Variants in ITGA9 observed in about 807,000 individuals in gnomAD.
ITGA9 encodes the protein integrin alpha-9.
ITGA9 carries 56 observed loss-of-function variants against 127.8 expected under a neutral mutation model. The ratio of observed to expected loss-of-function variants is 0.44; its 90% CI spans 0.35 to 0.55. ITGA9 has a LOEUF of 0.55. Among genes scored for constraint, ITGA9 ranks in the 20% least tolerant of loss-of-function variants. The pLI is 0.00. For synonymous variants in ITGA9, 508 were observed against 514.5 expected, an observed-to-expected ratio of 0.99 and a Z score of 0.17; for missense variants, 1,196 against 1,347.1, an observed-to-expected ratio of 0.89 and a Z score of 1.76.
At position 37,512,112 on chromosome 3, in the gene ITGA9, C is replaced by T. The variant is rs1404564055; in HGVS notation, c.898-1651C>T. Among the ~76,000 whole-genome samples, 89 of 84,516 alleles carry T rather than the reference C, an allele frequency of 1.1e-3. 7 individuals are homozygous for T. Among genetic ancestry groups the T allele is most frequent in the African/African-American group, 4.0e-3 (76 of 19,128 alleles). The allele number at this position is 84,516 out of a possible 152,430, so 55.4% of individuals were successfully genotyped here. A position where few individuals can be genotyped will look rare whatever the true frequency, so the allele number is the denominator to read the frequency against. ...TCCTTCCTTCCTTCCTTCCTTCCTT[C>T]CTTCCTTCTTTCTTTTCTTTTCTTT... is the stretch of plus-strand genomic sequence containing the variant. On this transcript the variant is annotated intron_variant, in intron 8 of 27. Transcript: ENST00000264741.
At chr3:37,507,952 G>A (rs1422109328) in intron 7 of ITGA9, among the ~76,000 whole-genome samples, 1 of 152,224 alleles carries the variant, frequency 6.6e-6, no homozygotes, top group Non-Finnish European at 1.5e-5. Flanking sequence ...TTGCAGTGGC[G>A]ATGCATAGTT....
chr3:37,787,802 T>C (rs1697059359), intron 26 of ITGA9, among the ~76,000 whole-genome samples: 1 of 152,324 alleles, frequency 6.6e-6, no homozygotes, highest in Non-Finnish European at 1.5e-5. Context: ...GATTTTAGAT[T>C]AGGCACCAAA....
At chr3:37,631,568 T>A (rs1158650872) in intron 16 of ITGA9, among the ~76,000 whole-genome samples, 1 of 152,182 alleles carries the variant, frequency 6.6e-6, no homozygotes, top group Non-Finnish European at 1.5e-5. Context: ...AGAAAGGGCA[T>A]CAGCTAATAA....
chr3:37,675,790 C>G (rs1700675932), intron 17 of ITGA9, among the ~76,000 whole-genome samples: 1 of 139,388 alleles, frequency 7.2e-6, no homozygotes, highest in African/African-American at 2.8e-5. Flanking sequence ...TTTTGCCAGA[C>G]TGGAGTGCAG....
chr3:37,644,340 G>T lies in ITGA9; in HGVS notation c.1840-9374G>T, dbSNP rs115785550. 1.9e-3 allele frequency among the ~76,000 whole-genome samples: 293 copies of T among 152,232 alleles called. 3 individuals are homozygous for T. The highest frequency in any genetic ancestry group is 6.8e-3 in the African/African-American group (284 of 41,534). The stretch of plus-strand genomic sequence containing the variant: ...TCTTAAGTGAAACAACTCAGACACA[G>T]AAAGACAAATACCACATGTTCTCGT... On this transcript the variant is annotated intron_variant, in intron 16 of 27. Transcript: ENST00000264741.
rs1251113206 is a variant in ITGA9 at position 37,746,152 on chromosome 3, G to GT, written c.2433+2118_2433+2119insT. Among the ~76,000 whole-genome samples, 63 of 152,328 alleles carry GT rather than the reference G, an allele frequency of 4.1e-4. 2 individuals carry two copies. The highest frequency in any genetic ancestry group is 3.7e-3 in the Admixed American group (57 of 15,302). ...GAAGGTGAAAATACTGTGGAAGGAG[G>GT]CCAGGAATACGGAGAAAATGTTTCT... On this transcript the variant is annotated intron_variant, in intron 22 of 27. Coordinates refer to ENST00000264741, the MANE Select transcript of ITGA9 (RefSeq NM_002207.3).
At chr3:37,553,061 A>G (rs1575147377) in intron 15 of ITGA9, among the ~76,000 whole-genome samples, 2 of 152,262 alleles carry the variant, frequency 1.3e-5, no homozygotes, top group African/African-American at 4.8e-5. Context: ...CAGTCTTACA[A>G]AAAAGTCATT....
intron 15 of ITGA9, among the ~76,000 whole-genome samples, chr3:37,564,824 C>T (rs928800939): frequency 6.6e-6 from 1 of 152,210 alleles, no homozygotes; most frequent in Non-Finnish European, 1.5e-5. Context: ...ACAGCCACAA[C>T]CATCCCTACC....
intron 9 of ITGA9, among the ~76,000 whole-genome samples, chr3:37,516,957 A>G (rs1317277264): frequency 6.6e-6 from 1 of 152,118 alleles, no homozygotes; most frequent in Non-Finnish European, 1.5e-5. Flanking sequence ...TAATAGGCAC[A>G]GTGACGTCTG....
intron 17 of ITGA9, among the ~76,000 whole-genome samples, chr3:37,656,415 G>C (rs369296161): frequency 6.6e-6 from 1 of 152,154 alleles, no homozygotes; most frequent in South Asian, 2.1e-4. Context: ...CACATCTCTT[G>C]TAAGTTGGAT....
rs1176984258 is a variant in ITGA9 at position 37,820,752 on chromosome 3, T to C, written c.*1763T>C. 1 of 152,202 alleles carries C rather than the reference T, an allele frequency of 6.6e-6. No individual in the cohort carries two copies. The highest frequency in any genetic ancestry group is 2.4e-5 in the African/African-American group (1 of 41,444). 9.4% of individuals were successfully genotyped at this position (152,202 alleles called of 1,614,324 possible). On this transcript the variant is annotated 3_prime_UTR_variant, in exon 28 of 28. Transcript: ENST00000264741. The stretch of plus-strand genomic sequence containing the variant: ...GCTAAGAGCAGGGTCTAACGGAGTC[T>C]TAATGGCTTATTACAGCCTGCCAAA...
At position 37,818,959 on chromosome 3, in the gene ITGA9, C is replaced by G; in HGVS notation, c.3078C>G (p.Asp1026Glu). The stretch of plus-strand genomic sequence containing the variant: ...AGAAGAACCGGAAAGAGAATGAAGA[C>G]AGTTGGGACTGGGTCCAGAAAAACC... ...EAEKNRKENE[D>E]SWDWVQKNQ The change falls in exon 28 of 28, where the codon GAC (aspartate) becomes GAG (glutamate). Residue 1026 changes from aspartate to glutamate, a missense_variant. Asp to Glu is a conservative substitution (Grantham distance 45, BLOSUM62 2). Coordinates refer to ENST00000264741, the MANE Select transcript of ITGA9 (RefSeq NM_002207.3). 6.2e-7 allele frequency: 1 copy of G among 1,614,038 alleles called. No homozygotes were observed. The highest frequency in any genetic ancestry group is 8.5e-7 in the Non-Finnish European group (1 of 1,179,866).
At chr3:37,466,674 G>T (rs1236472846) in intron 1 of ITGA9, among the ~76,000 whole-genome samples, 1 of 152,076 alleles carries the variant, frequency 6.6e-6, no homozygotes, top group Non-Finnish European at 1.5e-5. Flanking sequence ...CACCTGGAGA[G>T]CTTGTTAAAA....
intron 15 of ITGA9, among the ~76,000 whole-genome samples, chr3:37,561,276 C>T (rs1456208148): frequency 6.6e-6 from 1 of 152,146 alleles, no homozygotes; most frequent in African/African-American, 2.4e-5. Context: ...TGTACTAGGG[C>T]TTTGAAGTCT....
chr3:37,659,890 A>G (rs1700516240), intron 17 of ITGA9, among the ~76,000 whole-genome samples: 1 of 152,042 alleles, frequency 6.6e-6, no homozygotes, highest in Non-Finnish European at 1.5e-5. Flanking sequence ...AGTACATTTT[A>G]ACTTATGATG....
At chr3:37,778,872 G>GTTT (rs10583231) in intron 24 of ITGA9, among the ~76,000 whole-genome samples, 88 of 106,126 alleles carry the variant, frequency 8.3e-4, no homozygotes, top group Non-Finnish European at 1.2e-3. Context: ...GAAAGGTTGG[G>GTTT]TTTTTTTTTT....
At chr3:37,771,832 TG>T (rs972926327) in intron 23 of ITGA9, among the ~76,000 whole-genome samples, 12 of 151,928 alleles carry the variant, frequency 7.9e-5, no homozygotes, top group African/African-American at 2.9e-4. Context: ...GTGGTGGAAA[TG>T]GGTCAGGCTG....
Position 37,758,215 on chromosome 3 carries a change from C to T in ITGA9, c.2541+7646C>T, listed in dbSNP as rs9855551. Reference sequence around the variant, plus strand: ...GCGGGCGCCTGTAGTCCCAGATACTCGGGAGGCTGAGGCAGGAGAATGGCG... The same window carrying T: ...GCGGGCGCCTGTAGTCCCAGATACTTGGGAGGCTGAGGCAGGAGAATGGCG... On this transcript the variant is annotated intron_variant, in intron 23 of 27. Coordinates refer to ENST00000264741, the MANE Select transcript of ITGA9 (RefSeq NM_002207.3). Among the ~76,000 whole-genome samples, 7 of 147,246 alleles carry T rather than the reference C, an allele frequency of 4.8e-5. No homozygotes were observed. In the East Asian group the frequency reaches 6.1e-4, roughly 13 times the overall value.
At chr3:37,512,269 G>A (rs761870526) in intron 8 of ITGA9, among the ~76,000 whole-genome samples, 2 of 148,284 alleles carry the variant, frequency 1.3e-5, no homozygotes, top group Non-Finnish European at 3.0e-5. Flanking sequence ...GCCCAGGCTA[G>A]AGTGCAGTGG....
Sources: allele counts gnomAD v4.1 joint callset (sites outside exome capture counted in the v4.1 genomes callset), GRCh38; gene constraint gnomAD v4.1.1; transcripts MANE v1.5; gene names NCBI Gene and HGNC (gene_info 2026-07-23, HGNC 2026-07-21).